KLHL29: variants seen among roughly 807,000 people sequenced by gnomAD.
KLHL29 encodes kelch-like protein 29.
Under a neutral mutation model 80.4 loss-of-function variants are expected in KLHL29, and 21 were observed. The observed-to-expected ratio is 0.26, with a 90% CI of 0.19 to 0.38. KLHL29 has a LOEUF of 0.38. Ranked by LOEUF, KLHL29 falls within the 10% of genes least tolerant of loss-of-function variation. The probability of loss-of-function intolerance (pLI) is 1.00; values close to 1 mark genes in which losing one functional copy is unlikely to be tolerated. For missense variants in KLHL29, 867 were observed against 1,223.9 expected (o/e 0.71, Z 4.35); for synonymous variants, 511 against 526.8 (o/e 0.97, Z 0.41).
intron 2 of KLHL29, among the ~76,000 whole-genome samples, chr2:23,543,118 G>A (rs893724280): frequency 5.9e-5 from 9 of 152,262 alleles, no homozygotes; most frequent in African/African-American, 1.4e-4. Context: ...TGTCCCTGCC[G>A]TCTGCGCCTC....
rs180942230 is a variant in KLHL29 at position 23,543,487 on chromosome 2, G to A, written c.-45-18665G>A. 3.9e-3 allele frequency among the ~76,000 whole-genome samples: 597 copies of A among 152,232 alleles called. 9 individuals carry two copies. Among genetic ancestry groups the A allele is most frequent in the African/African-American group, 0.014 (572 of 41,516 alleles). Reference sequence around the variant, plus strand: ...TGTTATTTTTCTTGTTTCTTCTCCCGGATATTCCCTTGAGGTTTATGCAAA... The same window carrying A: ...TGTTATTTTTCTTGTTTCTTCTCCCAGATATTCCCTTGAGGTTTATGCAAA... On this transcript the variant is annotated intron_variant, in intron 2 of 13. Transcript: ENST00000486442.
rs562037904 is a variant in KLHL29, at chr2:23,460,859, T to G, written c.-153-14701T>G. ...ATCGTGCAAACTCAGGAGCTTCCCGTGAAGGGAGCATCGTGCAAGCTCAGG... is the reference window on the plus strand; with the variant it reads ...ATCGTGCAAACTCAGGAGCTTCCCGGGAAGGGAGCATCGTGCAAGCTCAGG... On this transcript the variant is annotated intron_variant, in intron 1 of 13. Coordinates refer to ENST00000486442, the MANE Select transcript of KLHL29 (RefSeq NM_052920.2). Among the ~76,000 whole-genome samples the G allele has an allele frequency of 1.2e-4, 18 of 151,880 alleles. 1 individual carries two copies. The South Asian group carries it at 3.6e-3, about 30-fold the overall frequency.
chr2:23,588,455 C>T (rs1668172055), intron 3 of KLHL29, among the ~76,000 whole-genome samples: 1 of 152,200 alleles, frequency 6.6e-6, no homozygotes, highest in Admixed American at 6.5e-5. Context: ...ATGCTTCAGC[C>T]ACAGGCAAGT....
At chr2:23,617,777 C>T (rs941111223) in intron 3 of KLHL29, 8 of 152,342 alleles carry the variant, frequency 5.3e-5, no homozygotes, top group East Asian at 3.9e-4. Flanking sequence ...TGTATTGCTT[C>T]TTCAGAGAGT....
At chr2:23,634,334 C>G (rs975504516) in intron 3 of KLHL29, among the ~76,000 whole-genome samples, 1 of 152,078 alleles carries the variant, frequency 6.6e-6, no homozygotes, top group Non-Finnish European at 1.5e-5. Flanking sequence ...GAAGTGGACT[C>G]TGAAGCCTGT....
At chr2:23,624,994 G>A (rs1363958739) in intron 3 of KLHL29, among the ~76,000 whole-genome samples, 1 of 152,244 alleles carries the variant, frequency 6.6e-6, no homozygotes, top group East Asian at 1.9e-4. Flanking sequence ...GGCCAGTTAG[G>A]AGTGGGCCAG....
intron 2 of KLHL29, among the ~76,000 whole-genome samples, chr2:23,545,452 C>A (rs1366944790): frequency 6.6e-6 from 1 of 152,168 alleles, no homozygotes; most frequent in Non-Finnish European, 1.5e-5. Flanking sequence ...CCCTGCTTCC[C>A]CTTTCTGCTG....
chr2:23,467,365 A>C (rs908641503), intron 1 of KLHL29, among the ~76,000 whole-genome samples: 6 of 152,238 alleles, frequency 3.9e-5, no homozygotes, highest in Admixed American at 3.9e-4. Context: ...CATATTGGCC[A>C]AGAAAAGCAG....
chr2:23,488,139 G>A (rs1033546340), intron 2 of KLHL29, among the ~76,000 whole-genome samples: 5 of 152,278 alleles, frequency 3.3e-5, no homozygotes, highest in East Asian at 3.9e-4. Context: ...CACTGGCCCC[G>A]TCTTATTTGT....
intron 2 of KLHL29, among the ~76,000 whole-genome samples, chr2:23,501,925 T>C (rs935620440): frequency 1.3e-5 from 2 of 152,088 alleles, no homozygotes; most frequent in Non-Finnish European, 2.9e-5. Flanking sequence ...CCACTGATGG[T>C]TTGTTTTTAA....
At chr2:23,661,416 A>C (rs1414312432) in intron 5 of KLHL29, among the ~76,000 whole-genome samples, 1 of 151,236 alleles carries the variant, frequency 6.6e-6, no homozygotes, top group Non-Finnish European at 1.5e-5. Context: ...GGCTCCTGAC[A>C]AGGCGCCAGC....
At chr2:23,435,320 C>A (rs766864959) in intron 1 of KLHL29, among the ~76,000 whole-genome samples, 1 of 152,150 alleles carries the variant, frequency 6.6e-6, no homozygotes, top group Non-Finnish European at 1.5e-5. Context: ...CTGGGGACTT[C>A]TGTGCATACA....
intron 5 of KLHL29, among the ~76,000 whole-genome samples, chr2:23,657,217 G>T (rs1432765331): frequency 3.3e-5 from 5 of 152,122 alleles, no homozygotes; most frequent in Non-Finnish European, 7.3e-5. Context: ...ATTTTCAGTG[G>T]CATCCTTAAA....
intron 1 of KLHL29, among the ~76,000 whole-genome samples, chr2:23,439,390 T>A (rs1663444241): frequency 1.3e-5 from 2 of 152,018 alleles, no homozygotes; most frequent in South Asian, 4.2e-4. Flanking sequence ...CTAGTTCTTT[T>A]AATTGTGATG....
rs564066840 is a variant in KLHL29, at chr2:23,680,366, A to G, written c.941-4033A>G. Among the ~76,000 whole-genome samples the G allele has an allele frequency of 1.6e-4, 25 of 152,258 alleles. No homozygotes were observed. The South Asian group carries it at 5.0e-3, about 30-fold the overall frequency. ...CGAGCATCCTGGGCATGCAGGAGGA[A>G]GTGGGGAAAGGGGCAAAGAGGCCTG... On this transcript the variant is annotated intron_variant, in intron 5 of 13. Coordinates refer to ENST00000486442, the MANE Select transcript of KLHL29 (RefSeq NM_052920.2). This position sits in a 1 kb window ranked among gnomAD's most constrained non-coding sequence, Gnocchi z 4.1.
intron 5 of KLHL29, among the ~76,000 whole-genome samples, chr2:23,658,579 G>C (rs1572472918): frequency 6.6e-6 from 1 of 152,178 alleles, no homozygotes; most frequent in East Asian, 1.9e-4. Flanking sequence ...GGAGGGGAAG[G>C]GGAGGTGGCC....
intron 2 of KLHL29, among the ~76,000 whole-genome samples, chr2:23,500,020 T>A (rs899736663): frequency 6.6e-6 from 1 of 152,218 alleles, no homozygotes; most frequent in East Asian, 1.9e-4. Flanking sequence ...TCCTTAGACC[T>A]GTAAATATGT....
At chr2:23,690,207 CA>C (rs1234483993) in intron 6 of KLHL29, 1 of 152,240 alleles carries the variant, frequency 6.6e-6, no homozygotes, top group Non-Finnish European at 1.5e-5. Flanking sequence ...CAGGTACTGC[CA>C]CGTAGGGAAG....
chr2:23,408,471 G>C (rs1046799984), intron 1 of KLHL29, among the ~76,000 whole-genome samples: 26 of 152,034 alleles, frequency 1.7e-4, no homozygotes, highest in African/African-American at 5.8e-4. Flanking sequence ...ATATCTCTCT[G>C]TAAACATTTG....
Sources: allele counts gnomAD v4.1 joint callset (sites outside exome capture counted in the v4.1 genomes callset), GRCh38; gene constraint gnomAD v4.1.1; non-coding constraint Gnocchi (gnomAD v3.1); transcripts MANE v1.5; gene names NCBI Gene and HGNC (gene_info 2026-07-23, HGNC 2026-07-21).